The following MARCHF8 variants were observed in gnomAD, a reference collection of about 807,000 sequenced individuals.
MARCHF8 encodes the protein E3 ubiquitin-protein ligase MARCHF8.
MARCHF8 carries 40 observed loss-of-function variants against 51.6 expected under a neutral mutation model. The ratio of observed to expected loss-of-function variants is 0.77; its 90% CI spans 0.60 to 1.01. MARCHF8 has a LOEUF of 1.01. Ranked by LOEUF, MARCHF8 falls within the 50% of genes least tolerant of loss-of-function variation. MARCHF8 has a pLI of 0.00. For synonymous variants in MARCHF8, 263 were observed against 280.3 expected, an observed-to-expected ratio of 0.94 and a Z score of 0.62; for missense variants, 685 against 708.6, an observed-to-expected ratio of 0.97 and a Z score of 0.38.
At chr10:45,524,625 C>T (rs1010927133) in intron 2 of MARCHF8, among the ~76,000 whole-genome samples, 1 of 152,136 alleles carries the variant, frequency 6.6e-6, no homozygotes, top group Non-Finnish European at 1.5e-5. Flanking sequence ...TATAAAAAAG[C>T]TAGAAATGGT....
In MARCHF8 at chr10:45,464,228, CAG is replaced by C. The variant is rs1842892575; in HGVS notation, c.242+9_242+10del. ...ACACTGATCATGGCAGCATCTGAAGCAGAGTGTTACCTGCAGATGTCCTGGCT... is the reference window on the plus strand; with the variant it reads ...ACACTGATCATGGCAGCATCTGAAGCAGTGTTACCTGCAGATGTCCTGGCT... On this transcript the variant is annotated intron_variant, in intron 4 of 7. Transcript: ENST00000453424. 1 of 1,612,876 alleles carries C rather than the reference CAG, an allele frequency of 6.2e-7. No individual in the cohort carries two copies.
rs372009170 is a variant in MARCHF8 at position 45,456,801 on chromosome 10, T to A, written c.*1438A>T. 3.3e-5 allele frequency: 5 copies of A among 152,184 alleles called. No homozygotes were observed. The highest frequency in any genetic ancestry group is 1.2e-4 in the African/African-American group (5 of 41,432). The allele number at this position is 152,184 out of a possible 1,614,324, so 9.4% of individuals were successfully genotyped here. A position where few individuals can be genotyped will look rare whatever the true frequency, so the allele number is the denominator to read the frequency against. On this transcript the variant is annotated 3_prime_UTR_variant, in exon 8 of 8. Transcript: ENST00000453424. The stretch of plus-strand genomic sequence containing the variant: ...TTAAAAACAGAATTTTAAGCAGACT[T>A]TTTAGAGGGACAAGGCCATTTGATG...
intron 1 of MARCHF8, among the ~76,000 whole-genome samples, chr10:45,590,526 G>A (rs2044666196): frequency 6.6e-6 from 1 of 152,068 alleles, no homozygotes; most frequent in Non-Finnish European, 1.5e-5. Context: ...GTACGCACCT[G>A]ACAAACAACA....
At chr10:45,532,335 T>C (rs375608099) in intron 2 of MARCHF8, among the ~76,000 whole-genome samples, 19 of 152,356 alleles carry the variant, frequency 1.2e-4, no homozygotes, top group East Asian at 1.2e-3. Context: ...GACATTTTCC[T>C]TTTTCTATTC....
intron 2 of MARCHF8, among the ~76,000 whole-genome samples, chr10:45,494,156 C>T (rs951219687): frequency 2.0e-5 from 3 of 152,160 alleles, no homozygotes; most frequent in African/African-American, 7.2e-5. Context: ...TAAAGAGAAG[C>T]TCTGCTGAAG....
upstream of MARCHF8, among the ~76,000 whole-genome samples, chr10:45,535,691 T>G (rs2043962163): frequency 6.6e-6 from 1 of 152,236 alleles, no homozygotes; most frequent in African/African-American, 2.4e-5. Flanking sequence ...AAGATTTACA[T>G]GAAAAATACA....
At chr10:45,495,383 G>A (rs111585183) in intron 2 of MARCHF8, among the ~76,000 whole-genome samples, 2,084 of 151,552 alleles carry the variant, frequency 0.014, 53 homozygotes, top group African/African-American at 0.047. Flanking sequence ...TTTAATAGAA[G>A]ACAGCTAGAT....
chr10:45,579,297 T>C (rs910264661), intron 1 of MARCHF8, among the ~76,000 whole-genome samples: 2 of 151,984 alleles, frequency 1.3e-5, no homozygotes, highest in African/African-American at 4.8e-5. Context: ...AGTAATTCTC[T>C]ATATTCTTTG....
chr10:45,566,597 T>C (rs1411774186), intron 1 of MARCHF8, among the ~76,000 whole-genome samples: 1 of 152,210 alleles, frequency 6.6e-6, no homozygotes, highest in Non-Finnish European at 1.5e-5. Flanking sequence ...TGCAAATGAC[T>C]GGATCTCATT....
In MARCHF8 at chr10:45,533,097, A is replaced by G. The variant is rs2043913898; in HGVS notation, c.102+13T>C. On this transcript the variant is annotated intron_variant, in intron 2 of 7. Transcript: ENST00000453424. ...TAAAAATAATGAAACTAAAAAAGAT[A>G]CTCTCCCAGTACCTGTTCTTCCCTC... is the stretch of plus-strand genomic sequence containing the variant. The G allele has an allele frequency of 1.3e-6, 2 of 1,575,168 alleles. No individual in the cohort carries two copies. Among genetic ancestry groups the G allele is most frequent in the Non-Finnish European group, 1.7e-6 (2 of 1,166,386 alleles).
At chr10:45,581,336 A>G (rs1487742673) in intron 1 of MARCHF8, among the ~76,000 whole-genome samples, 1 of 152,164 alleles carries the variant, frequency 6.6e-6, no homozygotes. Context: ...AGACTGATGC[A>G]TCCACTAATA....
At chr10:45,511,143 TTTTTCA>T (rs1422921814) in intron 2 of MARCHF8, among the ~76,000 whole-genome samples, 2 of 152,216 alleles carry the variant, frequency 1.3e-5, no homozygotes, top group African/African-American at 2.4e-5. Flanking sequence ...CCATTAAGTA[TTTTTCA>T]TTTTCATTTT....
intron 1 of MARCHF8, among the ~76,000 whole-genome samples, chr10:45,554,260 AGCATG>A (rs2044228079): frequency 6.6e-6 from 1 of 152,244 alleles, no homozygotes; most frequent in South Asian, 2.1e-4. Flanking sequence ...CAAAATTTTT[AGCATG>A]AGACAAAGAT....
chr10:45,553,001 TA>T lies in MARCHF8; in HGVS notation c.-78-19713del, dbSNP rs1429678518. On this transcript the variant is annotated intron_variant, in intron 1 of 6. Coordinates refer to the MARCHF8 transcript ENST00000319836. ...ACTTTGGAAAGCATCCATACAGGCA[TA>T]TTACTTTCCTTAAAATTTTTTGACA... 1.6e-4 allele frequency: 25 copies of T among 152,216 alleles called. 1 individual carries two copies. The highest frequency in any genetic ancestry group is 8.8e-5 in the Non-Finnish European group (6 of 68,034). The allele number at this position is 152,216 out of a possible 1,614,324, so 9.4% of individuals were successfully genotyped here. A position where few individuals can be genotyped will look rare whatever the true frequency, so the allele number is the denominator to read the frequency against.
intron 3 of MARCHF8, among the ~76,000 whole-genome samples, chr10:45,475,449 T>C (rs534331057): frequency 6.6e-6 from 1 of 152,210 alleles, no homozygotes; most frequent in South Asian, 2.1e-4. Flanking sequence ...GAGTAAACCA[T>C]CCTGAGGCCT....
At chr10:45,593,672 T>TA (rs2044705756) in intron 1 of MARCHF8, 1 of 152,210 alleles carries the variant, frequency 6.6e-6, no homozygotes, top group South Asian at 2.1e-4. Context: ...AACATACACT[T>TA]ACTTCCCCAG....
intron 1 of MARCHF8, among the ~76,000 whole-genome samples, chr10:45,559,259 T>C (rs1178865064): frequency 6.6e-6 from 1 of 152,226 alleles, no homozygotes; most frequent in African/African-American, 2.4e-5. Flanking sequence ...ACATAGATGA[T>C]AGTTAAGTTT....
intron 2 of MARCHF8, among the ~76,000 whole-genome samples, chr10:45,518,182 T>C (rs939623254): frequency 6.6e-6 from 1 of 152,146 alleles, no homozygotes; most frequent in African/African-American, 2.4e-5. Flanking sequence ...GGGCAGGCTT[T>C]CATAAGAATT....
At chr10:45,548,716 C>T (rs927018352) in intron 1 of MARCHF8, among the ~76,000 whole-genome samples, 8 of 152,236 alleles carry the variant, frequency 5.3e-5, no homozygotes, top group Non-Finnish European at 1.0e-4. Context: ...AAATAGTCTG[C>T]GTTTGGCCAG....
Sources: allele counts gnomAD v4.1 joint callset (sites outside exome capture counted in the v4.1 genomes callset), GRCh38; gene constraint gnomAD v4.1.1; transcripts MANE v1.5; gene names NCBI Gene and HGNC (gene_info 2026-07-23, HGNC 2026-07-21).